Variants in SERGEF observed in about 807,000 individuals in gnomAD.
SERGEF encodes secretion-regulating guanine nucleotide exchange factor.
In SERGEF, 51 loss-of-function variants were observed where a neutral mutation model predicts 50.0. The observed-to-expected ratio is 1.02, with a 90% CI of 0.81 to 1.29. The LOEUF (loss-of-function observed/expected upper bound fraction) is 1.29, where lower values mean the gene tolerates loss of function less well. Among genes scored for constraint, SERGEF ranks in the 50% most tolerant of loss-of-function variants. SERGEF has a pLI of 0.00. For missense variants in SERGEF, 521 were observed against 557.0 expected (o/e 0.94, Z 0.65); for synonymous variants, 205 against 212.4 (o/e 0.97, Z 0.30).
chr11:17,902,668 A>G (rs1851768738), intron 9 of SERGEF, among the ~76,000 whole-genome samples: 1 of 152,230 alleles, frequency 6.6e-6, no homozygotes. Context: ...ATGGGCAGAA[A>G]CGAGGAATTA....
intron 10 of SERGEF, among the ~76,000 whole-genome samples, chr11:17,822,705 A>C (rs1197143952): frequency 6.6e-6 from 1 of 152,186 alleles, no homozygotes. Context: ...GTCTCACTGA[A>C]GTTTTTTTCC....
intron 9 of SERGEF, among the ~76,000 whole-genome samples, chr11:17,902,694 C>G (rs1851769078): frequency 6.6e-6 from 1 of 152,186 alleles, no homozygotes; most frequent in Non-Finnish European, 1.5e-5. Context: ...TGGTGGCCCT[C>G]AAGGACTGAG....
intron 8 of SERGEF, among the ~76,000 whole-genome samples, chr11:17,981,230 T>A (rs1853489805): frequency 6.6e-6 from 1 of 152,248 alleles, no homozygotes; most frequent in Admixed American, 6.5e-5. Flanking sequence ...GGATTTTATA[T>A]TCCCCTGTAT....
intron 10 of SERGEF, among the ~76,000 whole-genome samples, chr11:17,871,444 G>C (rs1412053182): frequency 6.3e-5 from 8 of 127,192 alleles, no homozygotes; most frequent in African/African-American, 2.5e-4. Flanking sequence ...CTGGGTGACA[G>C]AGCGAGACTC....
At chr11:17,882,186 C>A (rs1323300725) in intron 9 of SERGEF, among the ~76,000 whole-genome samples, 2 of 151,998 alleles carry the variant, frequency 1.3e-5, no homozygotes, top group African/African-American at 4.8e-5. Context: ...GAGGCCAAGG[C>A]GGGGGGATCG....
chr11:17,887,891 G>A (rs1194180303), intron 9 of SERGEF, among the ~76,000 whole-genome samples: 1 of 152,196 alleles, frequency 6.6e-6, no homozygotes, highest in Non-Finnish European at 1.5e-5. Flanking sequence ...TCCACGGCCT[G>A]TTAGGAACCA....
chr11:17,966,397 G>C (rs1452429227), intron 8 of SERGEF, among the ~76,000 whole-genome samples: 1 of 152,164 alleles, frequency 6.6e-6, no homozygotes, highest in African/African-American at 2.4e-5. Flanking sequence ...GCCTTGAACA[G>C]GTCCCTTCTG....
intron 10 of SERGEF, among the ~76,000 whole-genome samples, chr11:17,793,678 G>A (rs1199185788): frequency 6.6e-6 from 1 of 152,236 alleles, no homozygotes; most frequent in Non-Finnish European, 1.5e-5. Context: ...CTTGGCACTT[G>A]TCAGGTCTTC....
rs780439051 is a variant in SERGEF at position 17,847,426 on chromosome 11, C to T, written c.1048+30782G>A. The stretch of plus-strand genomic sequence containing the variant: ...GAAGTCTGACAGAACTGAATTGAAA[C>T]ACAGCATCCAATGCTTTCTTATTTG... On this transcript the variant is annotated intron_variant, in intron 10 of 10. Coordinates refer to ENST00000265965, the MANE Select transcript of SERGEF (RefSeq NM_012139.4). 2.2e-4 allele frequency among the ~76,000 whole-genome samples: 33 copies of T among 152,332 alleles called. 1 individual carries two copies. The highest frequency in any genetic ancestry group is 2.6e-4 in the Non-Finnish European group (18 of 68,020).
At chr11:17,811,759 G>T (rs1849878240) in intron 10 of SERGEF, among the ~76,000 whole-genome samples, 2 of 152,236 alleles carry the variant, frequency 1.3e-5, no homozygotes, top group Non-Finnish European at 2.9e-5. Context: ...CAGTTATAAA[G>T]ATTGGAAGAG....
rs536038259 is a variant in SERGEF at position 17,827,813 on chromosome 11, C to T, written c.1049-39400G>A. 3.5e-4 allele frequency among the ~76,000 whole-genome samples: 54 copies of T among 152,300 alleles called. 1 individual carries two copies. The highest frequency in any genetic ancestry group is 1.3e-3 in the African/African-American group (53 of 41,544). ...GCTATTGATCAGAGACTCCTAGACACTGAATCTGTATTTTTCCCCACTGGA... is the reference window on the plus strand; with the variant it reads ...GCTATTGATCAGAGACTCCTAGACATTGAATCTGTATTTTTCCCCACTGGA... On this transcript the variant is annotated intron_variant, in intron 10 of 10. Coordinates refer to ENST00000265965, the MANE Select transcript of SERGEF (RefSeq NM_012139.4).
intron 10 of SERGEF, among the ~76,000 whole-genome samples, chr11:17,797,045 G>A (rs1849583750): frequency 6.6e-6 from 1 of 152,178 alleles, no homozygotes; most frequent in Non-Finnish European, 1.5e-5. Flanking sequence ...GTGGAAAAAG[G>A]GTTTGGGGAA....
chr11:17,891,441 T>G (rs957180224), intron 9 of SERGEF, among the ~76,000 whole-genome samples: 2 of 152,382 alleles, frequency 1.3e-5, no homozygotes, highest in Admixed American at 6.5e-5. Flanking sequence ...TTTGGAGAGC[T>G]GTGGTCAGTT....
intron 6 of SERGEF, among the ~76,000 whole-genome samples, chr11:17,993,662 C>T (rs1409154902): frequency 6.6e-6 from 1 of 152,084 alleles, no homozygotes; most frequent in Non-Finnish European, 1.5e-5. Context: ...TTTTTTCTGA[C>T]ACTTCTTTTT....
At chr11:17,878,383 AAAGTT>A in intron 9 of SERGEF, 139 bp from the exon 10 acceptor site, 6 of 626,932 alleles carry the variant, frequency 9.6e-6, no homozygotes, top group Non-Finnish European at 1.7e-5. Context: ...ATCACATACA[AAAGTT>A]AAGATTATAA....
At chr11:17,871,320 G>A (rs967852470) in intron 10 of SERGEF, among the ~76,000 whole-genome samples, 2 of 152,098 alleles carry the variant, frequency 1.3e-5, no homozygotes, top group Non-Finnish European at 2.9e-5. Flanking sequence ...AATTAGCCGG[G>A]TGTGGTGGCA....
At chr11:17,863,276 GA>G (rs1037099174) in intron 10 of SERGEF, among the ~76,000 whole-genome samples, 5 of 152,022 alleles carry the variant, frequency 3.3e-5, no homozygotes, top group Admixed American at 6.5e-5. Flanking sequence ...ATCCTTTAAC[GA>G]AAAAAAAGTT....
At chr11:17,839,094 G>A (rs1020297672) in intron 10 of SERGEF, among the ~76,000 whole-genome samples, 14 of 152,324 alleles carry the variant, frequency 9.2e-5, no homozygotes, top group East Asian at 1.9e-4. Flanking sequence ...AGATGGAACC[G>A]TGATGACTAT....
intron 9 of SERGEF, among the ~76,000 whole-genome samples, chr11:17,890,026 C>T (rs1235574886): frequency 1.4e-5 from 1 of 73,946 alleles, no homozygotes; most frequent in East Asian, 5.5e-4. Flanking sequence ...ACACTTCAAC[C>T]AAAAAAAAAA....
Sources: allele counts gnomAD v4.1 joint callset (sites outside exome capture counted in the v4.1 genomes callset), GRCh38; gene constraint gnomAD v4.1.1; transcripts MANE v1.5; gene names NCBI Gene and HGNC (gene_info 2026-07-23, HGNC 2026-07-21).